Variants in ST8SIA6 observed in about 807,000 individuals in gnomAD.
ST8SIA6 encodes ST8 alpha-N-acetyl-neuraminide alpha-2,8-sialyltransferase 6, also known as alpha-2,8-sialyltransferase 8F.
In ST8SIA6, 39 loss-of-function variants were observed where a neutral mutation model predicts 33.6. That is an observed-to-expected ratio of 1.16 (90% CI 0.90 to 1.52). The LOEUF (loss-of-function observed/expected upper bound fraction) is 1.52, where lower values mean the gene tolerates loss of function less well. Among genes scored for constraint, ST8SIA6 ranks in the 40% most tolerant of loss-of-function variants. The pLI is 0.00. For missense variants in ST8SIA6, 441 were observed against 443.8 expected, an observed-to-expected ratio of 0.99 and a Z score of 0.06; for synonymous variants, 172 against 167.2, an observed-to-expected ratio of 1.03 and a Z score of -0.22.
chr10:17,402,419 C>G (rs1158439604), intron 2 of ST8SIA6, among the ~76,000 whole-genome samples: 12 of 152,140 alleles, frequency 7.9e-5, no homozygotes, highest in Admixed American at 7.9e-4. Flanking sequence ...CCCAGCCATC[C>G]CATTACTGGG....
Position 17,359,551 on chromosome 10 carries a change from G to T in ST8SIA6, c.340C>A (p.Pro114Thr). The change falls in exon 4 of 8, where the codon CCA becomes ACA. Residue 114 changes from proline to threonine, a missense_variant. Transcript: ENST00000377602. ...LQIITDIQSC[P>T]WKRQAEEYAN... ...TATTCTTCTGCTTGCCGTTTCCATG[G>T]ACAACTCTGTATATCTGTGATAATC... The T allele has an allele frequency of 6.2e-7, 1 of 1,607,568 alleles. No individual in the cohort carries two copies. Among genetic ancestry groups the T allele is most frequent in the South Asian group, 1.1e-5 (1 of 89,218 alleles).
At chr10:17,408,297 A>G (rs1461093230) in intron 2 of ST8SIA6, 3 of 152,784 alleles carry the variant, frequency 2.0e-5, no homozygotes, top group East Asian at 1.9e-4. Context: ...TTACGTGTCC[A>G]TATTAGCTAT....
chr10:17,349,447 T>C (rs2131606470), intron 4 of ST8SIA6, among the ~76,000 whole-genome samples: 1 of 152,320 alleles, frequency 6.6e-6, no homozygotes, highest in East Asian at 1.9e-4. Flanking sequence ...ATAGCTACCA[T>C]GTACTGAGAT....
intron 2 of ST8SIA6, among the ~76,000 whole-genome samples, chr10:17,399,424 T>C (rs1053013054): frequency 2.0e-5 from 3 of 152,216 alleles, no homozygotes; most frequent in African/African-American, 7.2e-5. Flanking sequence ...TAAAATGACT[T>C]CATAGAACTT....
At chr10:17,351,422 T>C (rs1361666071) in intron 4 of ST8SIA6, among the ~76,000 whole-genome samples, 1 of 150,216 alleles carries the variant, frequency 6.7e-6, no homozygotes, top group Non-Finnish European at 1.5e-5. Context: ...AAAAAAATTT[T>C]AGTACTGTAA....
intron 6 of ST8SIA6, 124 bp downstream of exon 6, chr10:17,326,890 T>C (rs771240925): frequency 1.6e-6 from 1 of 611,630 alleles, no homozygotes; most frequent in Non-Finnish European, 2.6e-6. Context: ...CCTTCCCGGG[T>C]AATTTGTAGA....
rs574946462 is a variant in ST8SIA6 at position 17,359,541 on chromosome 10, C to T, written c.350G>A (p.Arg117Gln). The T allele has an allele frequency of 2.8e-5, 45 of 1,606,056 alleles. No individual in the cohort carries two copies. The highest frequency in any genetic ancestry group is 1.7e-4 in the Middle Eastern group (1 of 6,042). The change falls in exon 4 of 8, where the codon CGG (arginine) becomes CAG (glutamine). Residue 117 changes from arginine (R) to glutamine (Q), a missense_variant. Transcript: ENST00000377602. ...ITDIQSCPWKRQAEEYANFRA... is the reference protein window; with the variant it reads ...ITDIQSCPWKQQAEEYANFRA... ...AAAATTTGCATATTCTTCTGCTTGC[C>T]GTTTCCATGGACAACTCTGTATATC...
chr10:17,349,470 C>T (rs369761893), intron 4 of ST8SIA6, among the ~76,000 whole-genome samples: 1 of 152,166 alleles, frequency 6.6e-6, no homozygotes, highest in South Asian at 2.1e-4. Flanking sequence ...TAATATATAA[C>T]GGACTCTGTA....
chr10:17,400,194 G>A (rs747951329), intron 2 of ST8SIA6, among the ~76,000 whole-genome samples: 16 of 152,102 alleles, frequency 1.1e-4, no homozygotes, highest in Non-Finnish European at 1.5e-4. Context: ...ACTGCAACTT[G>A]GAGTTATAAA....
intron 4 of ST8SIA6, among the ~76,000 whole-genome samples, chr10:17,339,679 CAATAACCAACATTTAGTGCATTCTCACTG>C (rs763920651): frequency 0.013 from 2,029 of 152,254 alleles, 23 homozygotes; most frequent in Non-Finnish European, 0.022. Flanking sequence ...CCAATAATAA[CAATAACCAACATTTAGTGCATTCTCACTG>C]CATGCTAAAT....
intron 3 of ST8SIA6, among the ~76,000 whole-genome samples, chr10:17,365,984 A>G (rs1003251523): frequency 1.3e-5 from 2 of 152,168 alleles, no homozygotes; most frequent in African/African-American, 4.8e-5. Flanking sequence ...TGAAGAGCTC[A>G]GCTCTGCTTG....
intron 2 of ST8SIA6, among the ~76,000 whole-genome samples, chr10:17,417,653 G>C (rs1335735359): frequency 6.6e-6 from 1 of 152,098 alleles, no homozygotes; most frequent in Non-Finnish European, 1.5e-5. Context: ...TTCACTGAAA[G>C]AATGAAGTTG....
chr10:17,340,541 G>C (rs551532603), intron 4 of ST8SIA6, among the ~76,000 whole-genome samples: 6 of 152,282 alleles, frequency 3.9e-5, no homozygotes, highest in African/African-American at 1.4e-4. Flanking sequence ...TCCTGTGTCA[G>C]GGATAAGAAC....
intron 2 of ST8SIA6, among the ~76,000 whole-genome samples, chr10:17,430,096 G>A (rs1588917963): frequency 6.6e-6 from 1 of 152,056 alleles, no homozygotes; most frequent in East Asian, 1.9e-4. Flanking sequence ...TATGCACCCT[G>A]TATGCCTCTG....
In ST8SIA6 at chr10:17,367,617, C is replaced by A. The variant is rs17140879; in HGVS notation, c.291-8017G>T. 6.7e-3 allele frequency among the ~76,000 whole-genome samples: 1,024 copies of A among 152,204 alleles called. 10 individuals are homozygous for A. The highest frequency in any genetic ancestry group is 0.024 in the African/African-American group (984 of 41,504). Reference sequence around the variant, plus strand: ...GAGTTTTGAATTTCCTCTTGTCATACAATCACTGTTAGATTTCTAAAGATG... The same window carrying A: ...GAGTTTTGAATTTCCTCTTGTCATAAAATCACTGTTAGATTTCTAAAGATG... On this transcript the variant is annotated intron_variant, in intron 3 of 7. Transcript: ENST00000377602.
intron 2 of ST8SIA6, among the ~76,000 whole-genome samples, chr10:17,441,559 A>T (rs12256819): frequency 0.27 from 40,794 of 151,692 alleles, 8,037 homozygotes; most frequent in African/African-American, 0.56. Flanking sequence ...TCCACCTGCC[A>T]CAGCCTCCCA....
rs747851635 is a variant in ST8SIA6 at position 17,371,783 on chromosome 10, T to TA, written c.291-12184dup. Among the ~76,000 whole-genome samples, 278 of 98,512 alleles carry TA rather than the reference T, an allele frequency of 2.8e-3. 2 individuals carry two copies. The highest frequency in any genetic ancestry group is 0.014 in the South Asian group (36 of 2,600). The allele number at this position is 98,512 out of a possible 152,430, so 64.6% of individuals were successfully genotyped here. A position where few individuals can be genotyped will look rare whatever the true frequency, so the allele number is the denominator to read the frequency against. ...CCTGGGTGACAGAGCAAGACTCCAT[T>TA]AAAAAAAAAAAAAAAAAAAAGAAAG... On this transcript the variant is annotated intron_variant, in intron 3 of 7. Coordinates refer to ENST00000377602, the MANE Select transcript of ST8SIA6 (RefSeq NM_001004470.3).
rs60208191 is a variant in ST8SIA6 at position 17,317,769 on chromosome 10, T to C, written c.*3109A>G. ...AGGTCTGATTTGCTGCTTAATTCTG[T>C]ATTCTACAGAGAGTCCTCAAAAAAA... On this transcript the variant is annotated 3_prime_UTR_variant, in exon 8 of 8. Transcript: ENST00000377602. 3.0e-3 allele frequency among the ~76,000 whole-genome samples: 460 copies of C among 152,324 alleles called. No individual in the cohort carries two copies. The highest frequency in any genetic ancestry group is 9.8e-3 in the African/African-American group (409 of 41,576).
intron 2 of ST8SIA6, among the ~76,000 whole-genome samples, chr10:17,401,904 A>G (rs1320026043): frequency 1.3e-5 from 2 of 148,834 alleles, no homozygotes; most frequent in African/African-American, 2.5e-5. Flanking sequence ...ACCAAAAGCA[A>G]TGGCAACAAA....
Sources: allele counts gnomAD v4.1 joint callset (sites outside exome capture counted in the v4.1 genomes callset), GRCh38; gene constraint gnomAD v4.1.1; transcripts MANE v1.5; gene names NCBI Gene and HGNC (gene_info 2026-07-23, HGNC 2026-07-21).